DLGAP2: variants seen among roughly 807,000 people sequenced by gnomAD.
DLGAP2 encodes the protein DLG associated protein 2.
In DLGAP2, 26 loss-of-function variants were observed where a neutral mutation model predicts 100.3. The ratio of observed to expected loss-of-function variants is 0.26; its 90% CI spans 0.19 to 0.36. The LOEUF (loss-of-function observed/expected upper bound fraction) is 0.36, where lower values mean the gene tolerates loss of function less well. Among genes scored for constraint, DLGAP2 ranks in the 10% least tolerant of loss-of-function variants. DLGAP2 has a pLI of 1.00. For missense variants in DLGAP2, 1,858 were observed against 1,453.2 expected, an observed-to-expected ratio of 1.28 and a Z score of -4.53; for synonymous variants, 886 against 630.1, an observed-to-expected ratio of 1.41 and a Z score of -6.08.
intron 2 of DLGAP2, among the ~76,000 whole-genome samples, chr8:1,005,607 A>G (rs1339077822): frequency 1.4e-5 from 2 of 146,528 alleles, no homozygotes; most frequent in East Asian, 2.0e-4. Flanking sequence ...TTTGGTAGAG[A>G]TGAAGTTTCA....
At chr8:1,037,098 G>T (rs1802149739) in intron 2 of DLGAP2, among the ~76,000 whole-genome samples, 1 of 152,100 alleles carries the variant, frequency 6.6e-6, no homozygotes, top group Non-Finnish European at 1.5e-5. Context: ...AGAGTGGGCA[G>T]TGTGGCTCCT....
In DLGAP2 at chr8:1,316,103, C is replaced by A. The variant is rs71516170; in HGVS notation, c.106+57220C>A. Reference sequence around the variant, plus strand: ...CTCCCACAGTGGTCTACACTCGAGACACTCGGCAGCTTTTAAAAATAGAGC... The same window carrying A: ...CTCCCACAGTGGTCTACACTCGAGAAACTCGGCAGCTTTTAAAAATAGAGC... On this transcript the variant is annotated intron_variant, in intron 3 of 14. Transcript: ENST00000637795. Among the ~76,000 whole-genome samples the A allele has an allele frequency of 2.4e-3, 215 of 88,142 alleles. 4 individuals carry two copies. Among genetic ancestry groups the A allele is most frequent in the Admixed American group, 5.0e-3 (42 of 8,384 alleles). 57.8% of individuals were successfully genotyped at this position (88,142 alleles called of 152,430 possible). A position where few individuals can be genotyped will look rare whatever the true frequency, so the allele number is the denominator to read the frequency against.
At chr8:1,437,351 CCA>C (rs1357631739) in intron 3 of DLGAP2, among the ~76,000 whole-genome samples, 8 of 152,246 alleles carry the variant, frequency 5.3e-5, no homozygotes, top group Admixed American at 5.2e-4. Flanking sequence ...AACCACGAGG[CCA>C]CCTTACGTTT....
chr8:852,851 C>G (rs1451945440), intron 1 of DLGAP2, among the ~76,000 whole-genome samples: 1 of 152,202 alleles, frequency 6.6e-6, no homozygotes, highest in Non-Finnish European at 1.5e-5. Flanking sequence ...AAAAGGACCT[C>G]ATTTACCTTT....
chr8:837,803 G>C (rs1796907529), intron 1 of DLGAP2, among the ~76,000 whole-genome samples: 2 of 150,542 alleles, frequency 1.3e-5, no homozygotes, highest in African/African-American at 4.8e-5. Context: ...TGCAACTTCT[G>C]CCTCCCGGGT....
In DLGAP2 at chr8:1,364,042, A is replaced by T. The variant is rs1802048456; in HGVS notation, c.106+105159A>T. ...CCCTCACTGATCCTCATGGAACCCC[A>T]TATGGGGGTCTTCCTCACTCCTGCC... On this transcript the variant is annotated intron_variant, in intron 3 of 14. Transcript: ENST00000637795. 3.9e-5 allele frequency among the ~76,000 whole-genome samples: 6 copies of T among 152,154 alleles called. 1 individual carries two copies. The South Asian group carries it at 1.2e-3, about 32-fold the overall frequency.
In DLGAP2 at chr8:1,169,062, G is replaced by A. The variant is rs572934491; in HGVS notation, c.74-89789G>A. On this transcript the variant is annotated intron_variant, in intron 2 of 14. Transcript: ENST00000637795. The stretch of plus-strand genomic sequence containing the variant: ...CCATCTTGAATTGATTTTTGTATAA[G>A]GTGTAAGGAAGGGATCCAGTTTCAG... 5.4e-4 allele frequency among the ~76,000 whole-genome samples: 80 copies of A among 149,130 alleles called. 1 individual carries two copies. In the East Asian group the frequency reaches 8.1e-3, roughly 15 times the overall value.
intron 3 of DLGAP2, among the ~76,000 whole-genome samples, chr8:1,317,500 A>G (rs1386391460): frequency 7.1e-6 from 1 of 141,002 alleles, no homozygotes; most frequent in East Asian, 2.2e-4. Flanking sequence ...TACACTCGAG[A>G]CACTTGGCAG....
At chr8:1,678,178 A>G (rs1165869691) in intron 11 of DLGAP2, 36 bp from the exon 12 acceptor site, 1 of 1,571,632 alleles carries the variant, frequency 6.4e-7, no homozygotes, top group East Asian at 2.2e-5. Flanking sequence ...TCCTCTCAGA[A>G]GGGCTACCAT....
intron 3 of DLGAP2, among the ~76,000 whole-genome samples, chr8:1,384,238 C>A (rs1324546612): frequency 6.6e-6 from 1 of 152,250 alleles, no homozygotes; most frequent in African/African-American, 2.4e-5. Flanking sequence ...TAATTTCTTT[C>A]CTGGAAAAAG....
Position 1,240,659 on chromosome 8 carries a change from T to G in DLGAP2, c.74-18192T>G, listed in dbSNP as rs182221483. On this transcript the variant is annotated intron_variant, in intron 2 of 14. Transcript: ENST00000637795. ...GTCTAGTTCTCTCTCACACAGAGCA[T>G]CGTGTCTGGTTCTCTCACATGGCGC... is the stretch of plus-strand genomic sequence containing the variant. 2.7e-5 allele frequency among the ~76,000 whole-genome samples: 4 copies of G among 146,460 alleles called. No homozygotes were observed. The East Asian group carries it at 8.3e-4, about 30-fold the overall frequency.
At chr8:1,211,483 A>G (rs1798103089) in intron 2 of DLGAP2, among the ~76,000 whole-genome samples, 1 of 152,256 alleles carries the variant, frequency 6.6e-6, no homozygotes, top group Non-Finnish European at 1.5e-5. Flanking sequence ...TTTCCCAACA[A>G]TGATATAAAG....
At chr8:1,584,266 A>G in intron 6 of DLGAP2, among the ~76,000 whole-genome samples, 1 of 152,220 alleles carries the variant, frequency 6.6e-6, no homozygotes, top group East Asian at 1.9e-4. Context: ...AATCCTGTTT[A>G]GAGCCTAAAC....
intron 8 of DLGAP2, among the ~76,000 whole-genome samples, chr8:1,650,488 G>A (rs190223668): frequency 1.3e-5 from 2 of 152,330 alleles, no homozygotes; most frequent in East Asian, 1.9e-4. Flanking sequence ...CTGTGTGTGC[G>A]ATAAAACGGA....
intron 3 of DLGAP2, among the ~76,000 whole-genome samples, chr8:1,423,682 A>T (rs992304731): frequency 6.6e-6 from 1 of 152,212 alleles, no homozygotes; most frequent in Non-Finnish European, 1.5e-5. Flanking sequence ...AGAGCCTGGC[A>T]TGTGTAGCTG....
Position 1,374,071 on chromosome 8 carries a change from G to A in DLGAP2, c.106+115188G>A, listed in dbSNP as rs927659852. On this transcript the variant is annotated intron_variant, in intron 3 of 14. Coordinates refer to ENST00000637795, the MANE Select transcript of DLGAP2 (RefSeq NM_001346810.2). ...GGAGGTTAGGTTAGGTTTGCAGACG[G>A]CTGTGTGGTGGAGGTTAGGTTAGGT... Among the ~76,000 whole-genome samples, 7 of 151,312 alleles carry A rather than the reference G, an allele frequency of 4.6e-5. 1 individual carries two copies. Among genetic ancestry groups the A allele is most frequent in the South Asian group, 4.2e-4 (2 of 4,770 alleles).
chr8:974,805 C>G (rs140607063), intron 2 of DLGAP2, among the ~76,000 whole-genome samples: 1 of 151,766 alleles, frequency 6.6e-6, no homozygotes, highest in Non-Finnish European at 1.5e-5. Context: ...GGAGTAAGAT[C>G]CAAAATCAAT....
At chr8:1,700,175 C>G (rs1325859116) in intron 14 of DLGAP2, among the ~76,000 whole-genome samples, 1 of 152,214 alleles carries the variant, frequency 6.6e-6, no homozygotes, top group African/African-American at 2.4e-5. Context: ...CTGTCTTCCC[C>G]CAATCTACAA....
chr8:900,288 G>A (rs1386140470), intron 1 of DLGAP2, among the ~76,000 whole-genome samples: 10 of 150,424 alleles, frequency 6.6e-5, no homozygotes, highest in South Asian at 2.1e-4. Context: ...TCACGGCGTC[G>A]CTCCCGGGCG....
Sources: gnomAD v4.1 joint callset for allele counts (sites outside exome capture counted in the v4.1 genomes callset) on GRCh38, gnomAD v4.1.1 for gene constraint, MANE v1.5 for transcripts, NCBI Gene and HGNC (gene_info 2026-07-23, HGNC 2026-07-21) for gene names.